Variants in DAP observed in about 807,000 individuals in gnomAD.
The protein encoded by DAP is death-associated protein 1.
DAP carries 8 observed loss-of-function variants against 13.8 expected under a neutral mutation model. The observed-to-expected ratio is 0.58, with a 90% confidence interval of 0.34 to 1.05. The LOEUF is 1.05. Among genes scored for constraint, DAP ranks in the 50% least tolerant of loss-of-function variants. The probability of loss-of-function intolerance (pLI) is 0.03; values close to 1 mark genes in which losing one functional copy is unlikely to be tolerated. For missense variants in DAP, 106 were observed against 133.2 expected, an observed-to-expected ratio of 0.80 and a Z score of 1.01; for synonymous variants, 47 against 47.5, an observed-to-expected ratio of 0.99 and a Z score of 0.04.
At chr5:10,748,535 G>A (rs1392348097) in intron 1 of DAP, among the ~76,000 whole-genome samples, 3 of 152,208 alleles carry the variant, frequency 2.0e-5, no homozygotes, top group Non-Finnish European at 4.4e-5. Context: ...CAAGTATTTT[G>A]TCAGAGCAGC....
intron 2 of DAP, among the ~76,000 whole-genome samples, chr5:10,693,956 G>A (rs56376176): frequency 0.012 from 1,767 of 152,236 alleles, 26 homozygotes; most frequent in Middle Eastern, 0.024. Context: ...CCTTCGGCAG[G>A]TGATGTTCTA....
intron 2 of DAP, among the ~76,000 whole-genome samples, chr5:10,703,563 A>T (rs1483302): frequency 0.042 from 6,327 of 152,354 alleles, 198 homozygotes; most frequent in South Asian, 0.081. Context: ...CTTTACTCTA[A>T]CAATTAAAAG....
In DAP at chr5:10,743,984, A is replaced by C. The variant is rs565037063; in HGVS notation, c.152+4191T>G. Among the ~76,000 whole-genome samples, 8 of 152,342 alleles carry C rather than the reference A, an allele frequency of 5.3e-5. No individual in the cohort carries two copies. In the South Asian group the frequency reaches 1.4e-3, roughly 28 times the overall value. ...GTGGAAAGCTACAAGATTAAAGGGA[A>C]TAAGAGTTGCATAAACAATTGCAAG... is the stretch of plus-strand genomic sequence containing the variant. On this transcript the variant is annotated intron_variant, in intron 2 of 3. Transcript: ENST00000230895.
intron 2 of DAP, among the ~76,000 whole-genome samples, chr5:10,727,749 A>G (rs1300182430): frequency 6.6e-6 from 1 of 152,218 alleles, no homozygotes; most frequent in Non-Finnish European, 1.5e-5. Flanking sequence ...CTATGCAGTC[A>G]TCCCTTGGCA....
intron 2 of DAP, among the ~76,000 whole-genome samples, chr5:10,713,178 T>A (rs558798509): frequency 2.6e-5 from 4 of 152,136 alleles, no homozygotes; most frequent in African/African-American, 9.6e-5. Context: ...AATCGATTCC[T>A]AGGAAGCAAA....
intron 1 of DAP, among the ~76,000 whole-genome samples, chr5:10,755,859 T>C (rs549138519): frequency 7.9e-5 from 12 of 152,226 alleles, no homozygotes; most frequent in East Asian, 5.8e-4. Context: ...CAAAAATGGC[T>C]AGGGAAGGCT....
At chr5:10,746,185 C>A (rs752657259) in intron 2 of DAP, among the ~76,000 whole-genome samples, 33 of 152,126 alleles carry the variant, frequency 2.2e-4, no homozygotes, top group Non-Finnish European at 4.6e-4. Flanking sequence ...CCTAGACTCC[C>A]AAATTTCTCC....
intron 3 of DAP, chr5:10,683,008 A>G (rs757679252): frequency 8.3e-5 from 15 of 181,714 alleles, no homozygotes; most frequent in Admixed American, 1.3e-4. Context: ...GGGACTCCCT[A>G]TTTTCCAGAG....
intron 1 of DAP, among the ~76,000 whole-genome samples, chr5:10,756,105 G>A (rs1309021926): frequency 2.2e-5 from 2 of 91,460 alleles, no homozygotes; most frequent in Admixed American, 1.0e-4. Context: ...CCAAGATCAC[G>A]CCACTGCACT....
chr5:10,681,184 G>A lies in DAP; in HGVS notation c.196-15C>T, dbSNP rs5745294. 0.063 allele frequency: 92,524 copies of A among 1,477,542 alleles called. 3,681 individuals carry two copies. The highest frequency in any genetic ancestry group is 0.17 in the African/African-American group (12,387 of 70,994). The allele number at this position is 1,477,542 out of a possible 1,614,324, so 91.5% of individuals were successfully genotyped here. ...TCTTTGTCACCCTGTCAGGAAACAC[G>A]GAAAGCTCAGGTTAATCAATAGGAA... On this transcript the variant is annotated splice_polypyrimidine_tract_variant and intron_variant, in intron 3 of 3. Transcript: ENST00000230895.
At chr5:10,731,700 T>A (rs1739465631) in intron 2 of DAP, among the ~76,000 whole-genome samples, 1 of 152,218 alleles carries the variant, frequency 6.6e-6, no homozygotes, top group Non-Finnish European at 1.5e-5. Flanking sequence ...GACTTAGGGA[T>A]AGGCAGGTCA....
In DAP at chr5:10,709,974, C is replaced by T. The variant is rs1157594352; in HGVS notation, c.153-26403G>A. Among the ~76,000 whole-genome samples the T allele has an allele frequency of 9.2e-5, 14 of 152,190 alleles. No homozygotes were observed. In the South Asian group the frequency reaches 1.4e-3, roughly 16 times the overall value. On this transcript the variant is annotated intron_variant, in intron 2 of 3. Transcript: ENST00000230895. ...GCCTTCCTCAAACACAGAGGCCCAG[C>T]GATCTGTGTGTAACCAGCCCCAGGT...
intron 2 of DAP, among the ~76,000 whole-genome samples, chr5:10,732,233 C>T (rs987990458): frequency 2.0e-5 from 3 of 152,176 alleles, no homozygotes; most frequent in African/African-American, 7.2e-5. Flanking sequence ...TTAAATTATA[C>T]AATTTAGTGG....
chr5:10,731,597 G>C (rs189478558), intron 2 of DAP, among the ~76,000 whole-genome samples: 1 of 152,096 alleles, frequency 6.6e-6, no homozygotes. Flanking sequence ...GCTTCTGCCC[G>C]GCCACACTGC....
chr5:10,741,912 C>T (rs1394349292), intron 2 of DAP, among the ~76,000 whole-genome samples: 7 of 152,298 alleles, frequency 4.6e-5, no homozygotes, highest in Admixed American at 6.5e-5. Context: ...ATGGCTTCCA[C>T]GGTAAAGACA....
chr5:10,732,007 C>CA (rs1239070794), intron 2 of DAP, among the ~76,000 whole-genome samples: 3 of 152,344 alleles, frequency 2.0e-5, no homozygotes, highest in Admixed American at 2.0e-4. Flanking sequence ...AGCCTGGCTG[C>CA]ATGAGATGCC....
intron 2 of DAP, among the ~76,000 whole-genome samples, chr5:10,731,902 G>A (rs1220283280): frequency 6.6e-6 from 1 of 152,188 alleles, no homozygotes; most frequent in Admixed American, 6.5e-5. Flanking sequence ...CAGAGAGGTG[G>A]CCCTGGAAAA....
At position 10,681,044 on chromosome 5, in the gene DAP, T is replaced by C; in HGVS notation, c.*12A>G. The C allele has an allele frequency of 6.3e-7, 1 of 1,582,968 alleles. No individual in the cohort carries two copies. Among genetic ancestry groups the C allele is most frequent in the Non-Finnish European group, 8.6e-7 (1 of 1,163,688 alleles). ...GAGCCGGGGCCATGGGGCAGGCTGG[T>C]GGACTCCAGGCTCACTTGCGTGGCT... On this transcript the variant is annotated 3_prime_UTR_variant, in exon 4 of 4. Transcript: ENST00000230895.
intron 2 of DAP, among the ~76,000 whole-genome samples, chr5:10,747,197 A>G (rs779632920): frequency 1.3e-5 from 2 of 152,230 alleles, no homozygotes; most frequent in Non-Finnish European, 2.9e-5. Context: ...GACAGGCTGT[A>G]TAAGTAGAGA....
Sources: allele counts gnomAD v4.1 joint callset (sites outside exome capture counted in the v4.1 genomes callset), GRCh38; gene constraint gnomAD v4.1.1; transcripts MANE v1.5; gene names NCBI Gene and HGNC (gene_info 2026-07-23, HGNC 2026-07-21).